ZNF507: variants seen among roughly 807,000 people sequenced by gnomAD.
The protein encoded by ZNF507 is zinc finger protein 507.
A neutral mutation model predicts 80.0 loss-of-function variants in ZNF507; 29 were observed. That is an observed-to-expected ratio of 0.36 (90% CI 0.27 to 0.49). The LOEUF (loss-of-function observed/expected upper bound fraction) is 0.49, where lower values mean the gene tolerates loss of function less well. ZNF507 is among the 20% of genes least tolerant of loss of function. The probability of loss-of-function intolerance (pLI) is 0.98; values close to 1 mark genes in which losing one functional copy is unlikely to be tolerated. For synonymous variants in ZNF507, 462 were observed against 422.5 expected, an observed-to-expected ratio of 1.09 and a Z score of -1.15; for missense variants, 1,081 against 1,152.2, an observed-to-expected ratio of 0.94 and a Z score of 0.90.
At chr19:32,369,702 T>C (rs1254406463) in intron 5 of ZNF507, among the ~76,000 whole-genome samples, 1 of 152,212 alleles carries the variant, frequency 6.6e-6, no homozygotes, top group African/African-American at 2.4e-5. Context: ...AAGATGTAGA[T>C]AGTAAAATGG....
At chr19:32,355,903 G>A (rs1488364366) in intron 3 of ZNF507, among the ~76,000 whole-genome samples, 3 of 152,164 alleles carry the variant, frequency 2.0e-5, no homozygotes, top group Non-Finnish European at 4.4e-5. Flanking sequence ...GGAGGCTAAG[G>A]AAGGAGAATG....
chr19:32,366,605 T>C (rs1201648760), intron 5 of ZNF507, among the ~76,000 whole-genome samples: 2 of 152,270 alleles, frequency 1.3e-5, no homozygotes, highest in South Asian at 2.1e-4. Context: ...TTCATTGTTC[T>C]GTGAATAGAC....
At chr19:32,365,766 T>C (rs12461362) in intron 5 of ZNF507, among the ~76,000 whole-genome samples, 9,317 of 152,240 alleles carry the variant, frequency 0.061, 531 homozygotes, top group Admixed American at 0.2. Context: ...ACAACTGTAC[T>C]GTGCTTAGGT....
At chr19:32,365,188 T>A (rs1331946078) in intron 5 of ZNF507, among the ~76,000 whole-genome samples, 1 of 152,202 alleles carries the variant, frequency 6.6e-6, no homozygotes, top group Non-Finnish European at 1.5e-5. Context: ...TTGATGGGAT[T>A]GATTGTTTTT....
rs769836142 is a variant in ZNF507 at position 32,354,504 on chromosome 19, C to A, written c.1674C>A (p.Asn558Lys). 1 of 1,614,154 alleles carries A rather than the reference C, an allele frequency of 6.2e-7. No homozygotes were observed. The highest frequency in any genetic ancestry group is 2.2e-5 in the East Asian group (1 of 44,880). The change falls in exon 3 of 7, where the codon AAC becomes AAA. Residue 558 changes from asparagine (N) to lysine (K), a missense_variant. Physicochemically the swap from Asn to Lys is moderately conservative, Grantham distance 94. Coordinates refer to ENST00000355898, the MANE Select transcript of ZNF507 (RefSeq NM_001136156.2). ...KNSSDGLTSL[N>K]QSNSTLVALP... ...CTTCAGATGGATTAACTAGTCTTAACCAAAGCAACTCCACCTTGGTAGCAC... is the reference window on the plus strand; with the variant it reads ...CTTCAGATGGATTAACTAGTCTTAAACAAAGCAACTCCACCTTGGTAGCAC...
intron 2 of ZNF507, among the ~76,000 whole-genome samples, chr19:32,349,465 T>A (rs954640520): frequency 4.6e-5 from 7 of 152,256 alleles, no homozygotes; most frequent in African/African-American, 1.7e-4. Context: ...GATTTAGTCA[T>A]TGACTGTTGC....
chr19:32,347,671 C>T (rs1967113770), intron 2 of ZNF507, among the ~76,000 whole-genome samples: 1 of 151,732 alleles, frequency 6.6e-6, no homozygotes, highest in South Asian at 2.1e-4. Context: ...GAATATTACA[C>T]AAAATCTACA....
chr19:32,372,213 A>G (rs896581265), intron 5 of ZNF507, among the ~76,000 whole-genome samples: 2 of 152,094 alleles, frequency 1.3e-5, no homozygotes, highest in Non-Finnish European at 2.9e-5. Context: ...GTATGATTCT[A>G]CTTTTGCTTC....
chr19:32,354,750 C>A lies in ZNF507; in HGVS notation c.1920C>A (p.Pro640=), dbSNP rs1208365522. 6.2e-7 allele frequency: 1 copy of A among 1,614,148 alleles called. No individual in the cohort carries two copies. Among genetic ancestry groups the A allele is most frequent in the African/African-American group, 1.3e-5 (1 of 75,056 alleles). Residue 640 remains proline (P), a synonymous_variant, in exon 3 of 7, where the codon CCC becomes CCA. Transcript: ENST00000355898. The stretch of plus-strand genomic sequence containing the variant: ...AATACATCCCGAATGCTGAACGACC[C>A]TACCGTTGCCGCCTGTGTCACTACA... ...VVEYIPNAER[P]YRCRLCHYTS... is the part of the protein sequence containing the mutation.
Position 32,382,500 on chromosome 19 carries a change from T to C in ZNF507, c.2394T>C (p.Pro798=). The C allele has an allele frequency of 6.2e-7, 1 of 1,614,196 alleles. No individual in the cohort carries two copies. Among genetic ancestry groups the C allele is most frequent in the Non-Finnish European group, 8.5e-7 (1 of 1,180,012 alleles). ...CSLCGYVCSH[P]PSLKSHMWKH... The stretch of plus-strand genomic sequence containing the variant: ...TGTGTGGGTATGTGTGTAGCCATCC[T>C]CCTTCTTTGAAGTCTCATATGTGGA... Residue 798 remains proline (P), a synonymous_variant, in exon 6 of 7, where the codon CCT becomes CCC. Coordinates refer to ENST00000355898, the MANE Select transcript of ZNF507 (RefSeq NM_001136156.2).
chr19:32,352,453 C>G (rs1207297155), intron 2 of ZNF507, among the ~76,000 whole-genome samples: 1 of 148,334 alleles, frequency 6.7e-6, no homozygotes, highest in East Asian at 2.0e-4. Context: ...GGCTGTGCTC[C>G]TTTAATCAAG....
intron 5 of ZNF507, among the ~76,000 whole-genome samples, chr19:32,367,669 A>G (rs1008767648): frequency 1.1e-4 from 16 of 152,192 alleles, no homozygotes; most frequent in Admixed American, 7.9e-4. Context: ...ATTTTCAGGG[A>G]TGGCACATCA....
At chr19:32,350,133 A>G (rs1180292814) in intron 2 of ZNF507, among the ~76,000 whole-genome samples, 3 of 151,782 alleles carry the variant, frequency 2.0e-5, no homozygotes, top group Non-Finnish European at 2.9e-5. Flanking sequence ...TTTTGTGAAA[A>G]TTGAAAGAGT....
At chr19:32,351,612 G>A (rs554211654) in intron 2 of ZNF507, among the ~76,000 whole-genome samples, 1 of 149,306 alleles carries the variant, frequency 6.7e-6, no homozygotes, top group African/African-American at 2.5e-5. Context: ...ACCATGCGGG[G>A]AAGAACAGCC....
intron 2 of ZNF507, among the ~76,000 whole-genome samples, chr19:32,348,813 C>G (rs543303785): frequency 6.6e-6 from 1 of 152,254 alleles, no homozygotes; most frequent in East Asian, 1.9e-4. Context: ...TCAGCCATAT[C>G]GATCTTTTCA....
In ZNF507 at chr19:32,383,113, T is replaced by C. The variant is rs772441937; in HGVS notation, c.*30T>C. 1.3e-6 allele frequency: 2 copies of C among 1,591,294 alleles called. No homozygotes were observed. The highest frequency in any genetic ancestry group is 8.6e-7 in the Non-Finnish European group (1 of 1,166,068). On this transcript the variant is annotated 3_prime_UTR_variant, in exon 7 of 7. Coordinates refer to ENST00000355898, the MANE Select transcript of ZNF507 (RefSeq NM_001136156.2). ...AATAATGACTCGAGCAGGAAAGCAG[T>C]AGAAGAGGATTCCTTCACCACAGTT...
chr19:32,350,560 A>T (rs1478544541), intron 2 of ZNF507, among the ~76,000 whole-genome samples: 1 of 152,194 alleles, frequency 6.6e-6, no homozygotes, highest in East Asian at 1.9e-4. Flanking sequence ...TAAGGTACAC[A>T]CTGAAATATC....
intron 2 of ZNF507, among the ~76,000 whole-genome samples, chr19:32,351,429 G>GTGTGTGTGTGTGTT (rs1967163063): frequency 7.6e-6 from 1 of 131,020 alleles, no homozygotes; most frequent in African/African-American, 3.1e-5. Context: ...CTGTGTGTGT[G>GTGTGTGTGTGTGTT]TGTGTGTGTG....
intron 5 of ZNF507, 45 bp from the exon 6 acceptor site, chr19:32,382,422 T>C (rs201369627): frequency 6.8e-5 from 109 of 1,600,548 alleles, no homozygotes; most frequent in Non-Finnish European, 8.6e-5. Flanking sequence ...TTTTCACTGA[T>C]GTTATGGGAC....
Sources: gnomAD v4.1 joint callset for allele counts (sites outside exome capture counted in the v4.1 genomes callset) on GRCh38, gnomAD v4.1.1 for gene constraint, MANE v1.5 for transcripts, NCBI Gene and HGNC (gene_info 2026-07-23, HGNC 2026-07-21) for gene names.